TMBIM1: variants seen among roughly 807,000 people sequenced by gnomAD.
TMBIM1 encodes transmembrane BAX inhibitor motif containing 1.
A neutral mutation model predicts 45.1 loss-of-function variants in TMBIM1; 34 were observed. The ratio of observed to expected loss-of-function variants is 0.75; its 90% CI spans 0.57 to 1.00. The LOEUF is 1.00. TMBIM1 is among the 50% of genes least tolerant of loss of function. TMBIM1 has a pLI of 0.00. For missense variants in TMBIM1, 374 were observed against 402.4 expected (o/e 0.93, Z 0.60); for synonymous variants, 157 against 153.5 (o/e 1.02, Z -0.17).
chr2:218,278,507 G>T lies in TMBIM1; in HGVS notation c.473+8C>A. 2 of 1,614,004 alleles carry T rather than the reference G, an allele frequency of 1.2e-6. No homozygotes were observed. Among genetic ancestry groups the T allele is most frequent in the Non-Finnish European group, 1.7e-6 (2 of 1,179,900 alleles). The stretch of plus-strand genomic sequence containing the variant: ...CCCCTCTCACTGTGTTAAGTCTCTG[G>T]GACTCACCTGGGTCCCTGGCAGCAG... On this transcript the variant is annotated splice_region_variant and intron_variant, in intron 6 of 11. Coordinates refer to ENST00000258412, the MANE Select transcript of TMBIM1 (RefSeq NM_022152.6).
Position 218,280,076 on chromosome 2 carries a change from C to T in TMBIM1, c.253G>A (p.Gly85Arg), listed in dbSNP as rs748185606. ...TTCCGGTCATCCCACTCTCCAGGCC[C>T]GAAGCTATCACTCACTGCTCTCTCC... The part of the protein sequence containing the change: ...GEERAVSDSF[G>R]PGEWDDRKVR... Residue 85 changes from glycine to arginine, a missense_variant, in exon 3 of 12, where the codon GGG becomes AGG. By Grantham distance (125) the Gly-to-Arg change is moderately radical. Coordinates refer to ENST00000258412, the MANE Select transcript of TMBIM1 (RefSeq NM_022152.6). 25 of 1,614,016 alleles carry T rather than the reference C, an allele frequency of 1.5e-5. No individual in the cohort carries two copies. Among genetic ancestry groups the T allele is most frequent in the South Asian group, 9.9e-5 (9 of 91,090 alleles).
rs142976124 is a variant in TMBIM1, at chr2:218,275,547, G to A, written c.864C>T (p.Gly288=). ...HTISPEDYIT[G]ALQIYTDIIY... ...TGATGTCTGTGTAAATCTGCAGGGC[G>A]CCAGTGATGTAGTCCTCGGGGCTGA... is the stretch of plus-strand genomic sequence containing the variant. Residue 288 remains glycine, a synonymous_variant, in exon 12 of 12, where the codon GGC becomes GGT. Transcript: ENST00000258412. 2.4e-5 allele frequency: 38 copies of A among 1,614,022 alleles called. No individual in the cohort carries two copies. Among genetic ancestry groups the A allele is most frequent in the East Asian group, 4.5e-5 (2 of 44,866 alleles).
chr2:218,291,873 G>A (rs529565523), intron 1 of TMBIM1, among the ~76,000 whole-genome samples: 45 of 152,290 alleles, frequency 3.0e-4, no homozygotes, highest in African/African-American at 1.1e-3. Flanking sequence ...TGGTGATAGA[G>A]GTGGCCACTT....
At chr2:218,282,682 G>A (rs1461986000) in intron 1 of TMBIM1, among the ~76,000 whole-genome samples, 1 of 152,246 alleles carries the variant, frequency 6.6e-6, no homozygotes, top group Admixed American at 6.5e-5. Flanking sequence ...AAGGCTCAAA[G>A]TGGAGAGCCG....
At chr2:218,290,499 G>A (rs765009469) in intron 1 of TMBIM1, among the ~76,000 whole-genome samples, 4 of 152,094 alleles carry the variant, frequency 2.6e-5, no homozygotes, top group Non-Finnish European at 5.9e-5. Flanking sequence ...ACTCTCAGGG[G>A]GTCAGCCCAG....
At position 218,274,720 on chromosome 2, in the gene TMBIM1, C is replaced by G. The variant is rs1432981709; in HGVS notation, c.*755G>C. The G allele has an allele frequency of 6.4e-6, 1 of 155,338 alleles. No homozygotes were observed. Among genetic ancestry groups the G allele is most frequent in the Non-Finnish European group, 1.5e-5 (1 of 68,360 alleles). The allele number at this position is 155,338 out of a possible 1,614,324, so 9.6% of individuals were successfully genotyped here. On this transcript the variant is annotated 3_prime_UTR_variant, in exon 12 of 12. Transcript: ENST00000258412. ...GATCCAGAAGCCTGCAAGGAGGCCCCAGCAGCTTTCAAGAATGGGGAGCAG... is the reference window on the plus strand; with the variant it reads ...GATCCAGAAGCCTGCAAGGAGGCCCGAGCAGCTTTCAAGAATGGGGAGCAG...
At position 218,275,625 on chromosome 2, in the gene TMBIM1, C is replaced by A; in HGVS notation, c.790-4G>T. 6.2e-7 allele frequency: 1 copy of A among 1,608,400 alleles called. No homozygotes were observed. The highest frequency in any genetic ancestry group is 8.5e-7 in the Non-Finnish European group (1 of 1,178,020). Reference sequence around the variant, plus strand: ...GCTGTGTGTCGTAAGCCAGGAACTGCAAGGATAGGGAAGCCAGAAGTGAGA... The same window carrying A: ...GCTGTGTGTCGTAAGCCAGGAACTGAAAGGATAGGGAAGCCAGAAGTGAGA... On this transcript the variant is annotated splice_region_variant and splice_polypyrimidine_tract_variant and intron_variant, in intron 11 of 11. Transcript: ENST00000258412.
chr2:218,292,339 C>G (rs1359979225), intron 1 of TMBIM1, 127 bp downstream of exon 1: 1 of 152,254 alleles, frequency 6.6e-6, no homozygotes, highest in African/African-American at 2.4e-5. Context: ...TCCTTGGGCC[C>G]AGGAGCGGGC....
intron 10 of TMBIM1, among the ~76,000 whole-genome samples, chr2:218,276,710 C>T (rs1425698661): frequency 2.6e-5 from 4 of 152,230 alleles, no homozygotes; most frequent in South Asian, 2.1e-4. Flanking sequence ...AGTCTGCCTC[C>T]GAGAACCTGA....
At position 218,275,431 on chromosome 2, in the gene TMBIM1, TGGAA is replaced by T. The variant is rs1270847336; in HGVS notation, c.*40_*43del. 4 of 1,588,588 alleles carry T rather than the reference TGGAA, an allele frequency of 2.5e-6. No homozygotes were observed. Among genetic ancestry groups the T allele is most frequent in the African/African-American group, 1.3e-5 (1 of 74,438 alleles). On this transcript the variant is annotated 3_prime_UTR_variant, in exon 12 of 12. Coordinates refer to ENST00000258412, the MANE Select transcript of TMBIM1 (RefSeq NM_022152.6). ...AGTCATAGGGCCCAGCCCTCTAGCT[TGGAA>T]GGGAGAGCCCAGGATCGGGTGAAAA...
intron 1 of TMBIM1, among the ~76,000 whole-genome samples, chr2:218,283,834 AG>A (rs1329244980): frequency 1.3e-5 from 2 of 152,090 alleles, no homozygotes; most frequent in Non-Finnish European, 1.5e-5. Context: ...ATCTCCCTAG[AG>A]GGGCTGGGAT....
intron 1 of TMBIM1, chr2:218,289,916 G>A (rs186532056): frequency 1.3e-4 from 20 of 152,322 alleles, no homozygotes; most frequent in Admixed American, 6.5e-4. Context: ...GAGCTAAACA[G>A]TATATAACAC....
chr2:218,276,052 C>G lies in TMBIM1; in HGVS notation c.763G>C (p.Ala255Pro). ...AGGGTGAAACAAATGGCCCCCAGAGCAGCATAGAGCATGTGGAGCCAGTAA... is the reference window on the plus strand; with the variant it reads ...AGGGTGAAACAAATGGCCCCCAGAGGAGCATAGAGCATGTGGAGCCAGTAA... The part of the protein sequence containing the change: ...YVYWLHMLYA[A>P]LGAICFTLFL... The change falls in exon 11 of 12, where the codon GCT (alanine) becomes CCT (proline). Residue 255 changes from alanine (A) to proline (P), a missense_variant. Ala to Pro is a conservative substitution (Grantham distance 27, BLOSUM62 -1). Coordinates refer to ENST00000258412, the MANE Select transcript of TMBIM1 (RefSeq NM_022152.6). The G allele has an allele frequency of 1.2e-6, 2 of 1,613,076 alleles. No homozygotes were observed. The highest frequency in any genetic ancestry group is 2.2e-5 in the South Asian group (2 of 90,690).
chr2:218,285,489 G>A (rs577974731), intron 1 of TMBIM1, among the ~76,000 whole-genome samples: 1 of 152,210 alleles, frequency 6.6e-6, no homozygotes, highest in African/African-American at 2.4e-5. Context: ...CACCACCACA[G>A]GGCTCACAGC....
At chr2:218,288,647 CG>C (rs1298549478) in intron 1 of TMBIM1, among the ~76,000 whole-genome samples, 1 of 152,240 alleles carries the variant, frequency 6.6e-6, no homozygotes, top group Admixed American at 6.5e-5. Context: ...AGATTAGGGA[CG>C]CTCAACCAGT....
At chr2:218,290,535 C>T (rs2106240797) in intron 1 of TMBIM1, among the ~76,000 whole-genome samples, 1 of 152,344 alleles carries the variant, frequency 6.6e-6, no homozygotes. Flanking sequence ...CGAGGGTCCT[C>T]CCCTTCCCCC....
chr2:218,278,483 C>A, intron 6 of TMBIM1, 32 bp downstream of exon 6: 1 of 1,609,464 alleles, frequency 6.2e-7, no homozygotes, highest in East Asian at 2.2e-5. Context: ...TCCCTGTCAC[C>A]CCTCTCACTG....
intron 1 of TMBIM1, chr2:218,286,722 G>A (rs886594510): frequency 6.6e-6 from 1 of 152,306 alleles, no homozygotes; most frequent in Admixed American, 6.5e-5. Context: ...TTAAGGCTCC[G>A]GAATCTGCAG....
At chr2:218,288,238 C>A (rs1692675261) in intron 1 of TMBIM1, among the ~76,000 whole-genome samples, 1 of 152,154 alleles carries the variant, frequency 6.6e-6, no homozygotes, top group Admixed American at 6.5e-5. Flanking sequence ...ACCATCCTGG[C>A]TAACATGGTG....
Sources: allele counts gnomAD v4.1 joint callset (sites outside exome capture counted in the v4.1 genomes callset), GRCh38; gene constraint gnomAD v4.1.1; transcripts MANE v1.5; gene names NCBI Gene and HGNC (gene_info 2026-07-23, HGNC 2026-07-21).